XRCC2: variants seen among roughly 807,000 people sequenced by gnomAD.
XRCC2 encodes X-ray repair cross complementing 2, also known as DNA repair protein XRCC2.
Under a neutral mutation model 27.3 loss-of-function variants are expected in XRCC2, and 24 were observed. The ratio of observed to expected loss-of-function variants is 0.88; its 90% CI spans 0.64 to 1.24. XRCC2 has a LOEUF of 1.24. XRCC2 is among the 50% of genes most tolerant of loss of function. The probability of loss-of-function intolerance (pLI) is 0.00; values close to 1 mark genes in which losing one functional copy is unlikely to be tolerated. For missense variants in XRCC2, 321 were observed against 325.8 expected (o/e 0.99, Z 0.11); for synonymous variants, 106 against 115.4 (o/e 0.92, Z 0.52).
At chr7:152,651,977 G>A (rs2098028711) in intron 2 of XRCC2, among the ~76,000 whole-genome samples, 1 of 151,798 alleles carries the variant, frequency 6.6e-6, no homozygotes, top group Admixed American at 6.6e-5. Context: ...ACGAGCCTGG[G>A]CAACATAGGG....
At chr7:152,655,487 T>A (rs1381038508) in intron 2 of XRCC2, among the ~76,000 whole-genome samples, 1 of 151,954 alleles carries the variant, frequency 6.6e-6, no homozygotes, top group Non-Finnish European at 1.5e-5. Flanking sequence ...GGTGGGCAGA[T>A]GGCTTGAGCC....
In XRCC2 at chr7:152,660,693, T is replaced by C. The variant is rs1057523790; in HGVS notation, c.121+8A>G. 1.9e-5 allele frequency: 30 copies of C among 1,601,828 alleles called. No homozygotes were observed. The highest frequency in any genetic ancestry group is 2.2e-5 in the Non-Finnish European group (26 of 1,176,198). ...TGCATTTATTTATATAAAGGTTGTATTTTTTACCATGCACAGGTGAATCTT... is the reference window on the plus strand; with the variant it reads ...TGCATTTATTTATATAAAGGTTGTACTTTTTACCATGCACAGGTGAATCTT... On this transcript the variant is annotated splice_region_variant and intron_variant, in intron 2 of 2. Transcript: ENST00000359321.
intron 1 of XRCC2, 110 bp downstream of exon 1, chr7:152,675,930 CG>C: frequency 6.8e-7 from 1 of 1,462,758 alleles, no homozygotes; most frequent in Non-Finnish European, 9.4e-7. Flanking sequence ...GGTCCCAGCC[CG>C]GCCAGGCCGC....
chr7:152,655,809 A>ACTTG (rs1328059813), intron 2 of XRCC2, among the ~76,000 whole-genome samples: 21 of 152,076 alleles, frequency 1.4e-4, no homozygotes, highest in African/African-American at 4.8e-4. Flanking sequence ...TCAGGAGTTC[A>ACTTG]AGACCAGCCT....
intron 1 of XRCC2, among the ~76,000 whole-genome samples, chr7:152,669,043 A>C (rs571899223): frequency 6.6e-6 from 1 of 152,278 alleles, no homozygotes; most frequent in East Asian, 1.9e-4. Flanking sequence ...GAGACTAATC[A>C]AATATGAGTA....
intron 1 of XRCC2, among the ~76,000 whole-genome samples, chr7:152,666,543 C>T (rs2098035798): frequency 6.6e-6 from 1 of 151,722 alleles, no homozygotes. Flanking sequence ...GTTACATAGT[C>T]CTAAGACTAA....
At chr7:152,657,167 AGG>A (rs2098031030) in intron 2 of XRCC2, among the ~76,000 whole-genome samples, 2 of 149,118 alleles carry the variant, frequency 1.3e-5, no homozygotes, top group Non-Finnish European at 3.0e-5. Context: ...ACCCAGGAGG[AGG>A]AGGTTGCAGT....
At chr7:152,665,555 C>T (rs896486160) in intron 1 of XRCC2, among the ~76,000 whole-genome samples, 1 of 130,794 alleles carries the variant, frequency 7.6e-6, no homozygotes, top group African/African-American at 2.8e-5. Flanking sequence ...TACAATGGCA[C>T]GATGAGACTC....
intron 1 of XRCC2, among the ~76,000 whole-genome samples, chr7:152,672,020 G>A (rs1590138925): frequency 6.6e-6 from 1 of 152,196 alleles, no homozygotes; most frequent in African/African-American, 2.4e-5. Context: ...CAGCCTGGGT[G>A]ACAGAGTGAG....
At chr7:152,656,537 G>A (rs1168837977) in intron 2 of XRCC2, among the ~76,000 whole-genome samples, 2 of 152,144 alleles carry the variant, frequency 1.3e-5, no homozygotes, top group Non-Finnish European at 2.9e-5. Flanking sequence ...ATCTGCTATT[G>A]TTCCAATGGA....
intron 2 of XRCC2, among the ~76,000 whole-genome samples, chr7:152,659,162 C>G (rs2098032013): frequency 6.6e-6 from 1 of 151,908 alleles, no homozygotes; most frequent in South Asian, 2.1e-4. Context: ...TTGATAGTAG[C>G]CTTCCTAATG....
At chr7:152,650,852 C>A (rs920461407) in intron 2 of XRCC2, among the ~76,000 whole-genome samples, 32 of 152,190 alleles carry the variant, frequency 2.1e-4, no homozygotes, top group African/African-American at 7.5e-4. Flanking sequence ...CGCCATTGGA[C>A]TCCAGCCTGG....
chr7:152,663,041 G>T (rs2098033989), intron 1 of XRCC2, among the ~76,000 whole-genome samples: 1 of 152,078 alleles, frequency 6.6e-6, no homozygotes, highest in South Asian at 2.1e-4. Context: ...TACCCTCAAA[G>T]AATGTGCAGT....
At chr7:152,671,058 T>TA (rs1176557396) in intron 1 of XRCC2, among the ~76,000 whole-genome samples, 2 of 152,028 alleles carry the variant, frequency 1.3e-5, no homozygotes, top group African/African-American at 4.8e-5. Context: ...CTACTAAAAA[T>TA]ACAACAATTA....
At chr7:152,663,853 C>G (rs899338757) in intron 1 of XRCC2, 21 of 152,050 alleles carry the variant, frequency 1.4e-4, no homozygotes, top group African/African-American at 3.9e-4. Flanking sequence ...CCCCCCCCCC[C>G]CAAAAATAGT....
rs1482960251 is a variant in XRCC2 at position 152,676,126 on chromosome 7, A to G, written c.-47T>C. The G allele has an allele frequency of 6.2e-7, 1 of 1,612,946 alleles. No homozygotes were observed. The highest frequency in any genetic ancestry group is 1.1e-5 in the South Asian group (1 of 91,064). ...GAGAGACTCAACTTTCCCGCCACCA[A>G]CGCCATTCACCAACTGCGCAGACTC... On this transcript the variant is annotated 5_prime_UTR_variant, in exon 1 of 3. Coordinates refer to ENST00000359321, the MANE Select transcript of XRCC2 (RefSeq NM_005431.2).
intron 2 of XRCC2, among the ~76,000 whole-genome samples, chr7:152,656,747 G>A (rs2116995640): frequency 6.6e-6 from 1 of 152,240 alleles, no homozygotes; most frequent in South Asian, 2.1e-4. Context: ...TACAGAGAGA[G>A]TACAAAGACC....
intron 1 of XRCC2, 47 bp from the exon 2 acceptor site, chr7:152,660,829 A>T (rs2098032800): frequency 1.4e-6 from 2 of 1,458,432 alleles, no homozygotes; most frequent in African/African-American, 2.8e-5. Context: ...AAAATATAAA[A>T]TCCTAGACAT....
chr7:152,661,232 T>G, intron 1 of XRCC2, among the ~76,000 whole-genome samples: 1 of 152,184 alleles, frequency 6.6e-6, no homozygotes, highest in East Asian at 1.9e-4. Flanking sequence ...TTTTCAGATA[T>G]TTTACTTTTT....
Sources: allele counts gnomAD v4.1 joint callset (sites outside exome capture counted in the v4.1 genomes callset), GRCh38; gene constraint gnomAD v4.1.1; transcripts MANE v1.5; gene names NCBI Gene and HGNC (gene_info 2026-07-23, HGNC 2026-07-21).